Variants in FABP6 observed in about 807,000 individuals in gnomAD.
The protein encoded by FABP6 is fatty acid binding protein 6.
FABP6 carries 13 observed loss-of-function variants against 14.9 expected under a neutral mutation model. That is an observed-to-expected ratio of 0.87 (90% CI 0.57 to 1.39). The LOEUF is 1.39. Ranked by LOEUF, FABP6 falls within the 40% of genes most tolerant of loss-of-function variation. FABP6 has a pLI of 0.00. For synonymous variants in FABP6, 75 were observed against 63.6 expected, an observed-to-expected ratio of 1.18 and a Z score of -0.85; for missense variants, 161 against 167.2, an observed-to-expected ratio of 0.96 and a Z score of 0.20.
intron 2 of FABP6, among the ~76,000 whole-genome samples, chr5:160,234,380 CTTTTTTT>C (rs35775372): frequency 1.2e-5 from 1 of 84,114 alleles, no homozygotes; most frequent in Non-Finnish European, 2.2e-5. Flanking sequence ...AGAAATCTGA[CTTTTTTT>C]TTTTTTTTTT....
In FABP6 at chr5:160,208,756, C is replaced by A. The variant is rs183152525; in HGVS notation, c.52-4980C>A. On this transcript the variant is annotated intron_variant, in intron 2 of 6. Transcript: ENST00000393980. ...AAACCTGGCCAACATAGGGAGACCCCATTTCTTTTTTTCTTTCTTTCTTTT... is the reference window on the plus strand; with the variant it reads ...AAACCTGGCCAACATAGGGAGACCCAATTTCTTTTTTTCTTTCTTTCTTTT... Among the ~76,000 whole-genome samples the A allele has an allele frequency of 6.6e-4, 99 of 150,976 alleles. No homozygotes were observed. In the East Asian group the frequency reaches 0.019, roughly 28 times the overall value.
At chr5:160,210,322 TTAA>T (rs1759860892) in intron 2 of FABP6, among the ~76,000 whole-genome samples, 1 of 152,180 alleles carries the variant, frequency 6.6e-6, no homozygotes, top group African/African-American at 2.4e-5. Flanking sequence ...TCAAAGGGTT[TTAA>T]TGACAATAAT....
chr5:160,229,730 C>A, intron 1 of FABP6, 106 bp downstream of exon 1: 1 of 939,538 alleles, frequency 1.1e-6, no homozygotes, highest in Non-Finnish European at 1.7e-6. Flanking sequence ...CATTCATTCA[C>A]TCACTCACTC....
At chr5:160,236,832 A>T (rs1033694851) in intron 3 of FABP6, among the ~76,000 whole-genome samples, 15 of 150,050 alleles carry the variant, frequency 1.0e-4, no homozygotes, top group African/African-American at 3.4e-4. Flanking sequence ...AAAAAAAAAA[A>T]TTAGCCAGGT....
At chr5:160,216,812 T>C (rs1185078448) in intron 3 of FABP6, among the ~76,000 whole-genome samples, 1 of 152,166 alleles carries the variant, frequency 6.6e-6, no homozygotes, top group African/African-American at 2.4e-5. Flanking sequence ...AGAGATGCCA[T>C]GTGTTGAGTG....
At chr5:160,211,482 C>T (rs1006745557) in intron 2 of FABP6, among the ~76,000 whole-genome samples, 1 of 152,164 alleles carries the variant, frequency 6.6e-6, no homozygotes, top group African/African-American at 2.4e-5. Flanking sequence ...ATTTTTAGCT[C>T]TATTCTGTCA....
At chr5:160,226,035 G>A (rs113330186), upstream of FABP6, among the ~76,000 whole-genome samples, 25,387 of 151,534 alleles carry the variant, frequency 0.17, 2,185 homozygotes, top group Middle Eastern at 0.2. Flanking sequence ...TTAGCCGGGC[G>A]TGGTGGTAGG....
chr5:160,200,416 A>ATT (rs3044576), intron 2 of FABP6, among the ~76,000 whole-genome samples: 79,756 of 143,658 alleles, frequency 0.56, 23,065 homozygotes, highest in Non-Finnish European at 0.64. Flanking sequence ...TTTTTTTTCT[A>ATT]TTTTTTTTTT....
At chr5:160,192,496 A>G (rs1017211260) in intron 1 of FABP6, among the ~76,000 whole-genome samples, 6 of 152,256 alleles carry the variant, frequency 3.9e-5, no homozygotes, top group Non-Finnish European at 5.9e-5. Flanking sequence ...CATCTGGCAC[A>G]TAGTAAGTGC....
intron 2 of FABP6, among the ~76,000 whole-genome samples, chr5:160,203,881 A>G (rs1360928777): frequency 6.6e-6 from 1 of 151,890 alleles, no homozygotes; most frequent in Non-Finnish European, 1.5e-5. Flanking sequence ...TTGTATTTTT[A>G]GTAGAGTTGG....
intron 1 of FABP6, 80 bp from the exon 2 acceptor site, chr5:160,232,018 G>C: frequency 6.6e-7 from 1 of 1,511,830 alleles, no homozygotes; most frequent in Non-Finnish European, 9.0e-7. Context: ...GGCGGTGGGG[G>C]TGGGCAGGAA....
At chr5:160,191,732 C>T (rs1252929469) in intron 1 of FABP6, among the ~76,000 whole-genome samples, 5 of 149,722 alleles carry the variant, frequency 3.3e-5, no homozygotes, top group African/African-American at 4.9e-5. Flanking sequence ...GAGGCCGAGG[C>T]GGGCAGATCA....
chr5:160,208,492 C>T (rs542785007), intron 2 of FABP6, among the ~76,000 whole-genome samples: 2 of 152,202 alleles, frequency 1.3e-5, no homozygotes, highest in South Asian at 4.1e-4. Context: ...ATGTTTGTCC[C>T]CTTCAATCTC....
chr5:160,199,477 C>T (rs1167396616), intron 2 of FABP6, among the ~76,000 whole-genome samples: 1 of 152,182 alleles, frequency 6.6e-6, no homozygotes, highest in Non-Finnish European at 1.5e-5. Context: ...TCACCCCCTC[C>T]TGCGCCACCC....
At chr5:160,204,333 T>TA (rs892786391) in intron 2 of FABP6, among the ~76,000 whole-genome samples, 5 of 149,582 alleles carry the variant, frequency 3.3e-5, no homozygotes, top group African/African-American at 1.2e-4. Context: ...AAAATAAAGA[T>TA]AAAAATAAAA....
At chr5:160,218,492 A>C in intron 3 of FABP6, among the ~76,000 whole-genome samples, 2 of 114,602 alleles carry the variant, frequency 1.7e-5, no homozygotes, top group African/African-American at 3.4e-5. Flanking sequence ...ATGGAGTCTC[A>C]CTCTGTCTCC....
chr5:160,202,874 A>G (rs1759674439), intron 2 of FABP6, among the ~76,000 whole-genome samples: 1 of 152,074 alleles, frequency 6.6e-6, no homozygotes, highest in Non-Finnish European at 1.5e-5. Context: ...ACAAAACAGA[A>G]AGGTGCTCCA....
Position 160,238,676 on chromosome 5 carries a change from C to G in FABP6, c.*17C>G. The G allele has an allele frequency of 6.2e-7, 1 of 1,613,158 alleles. No homozygotes were observed. Among genetic ancestry groups the G allele is most frequent in the Non-Finnish European group, 8.5e-7 (1 of 1,179,220 alleles). ...CTGGCCTAAGCAGCCAGGCCCGGCC[C>G]AGGGAGCTACAAACCCACCAATAAA... On this transcript the variant is annotated 3_prime_UTR_variant, in exon 4 of 4. Coordinates refer to ENST00000402432, the MANE Select transcript of FABP6 (RefSeq NM_001445.3).
chr5:160,232,394 G>A, intron 2 of FABP6, 121 bp downstream of exon 2: 1 of 1,018,164 alleles, frequency 9.8e-7, no homozygotes, highest in Non-Finnish European at 1.4e-6. Flanking sequence ...CCAGCATTAG[G>A]AGCTTGAGTT....
Sources: gnomAD v4.1 joint callset for allele counts (sites outside exome capture counted in the v4.1 genomes callset) on GRCh38, gnomAD v4.1.1 for gene constraint, MANE v1.5 for transcripts, NCBI Gene and HGNC (gene_info 2026-07-23, HGNC 2026-07-21) for gene names.